Variants in ST18 observed in about 807,000 individuals in gnomAD.
ST18 encodes suppression of tumorigenicity 18 protein.
Under a neutral mutation model 110.0 loss-of-function variants are expected in ST18, and 50 were observed. That is an observed-to-expected ratio of 0.45 (90% CI 0.36 to 0.58). ST18 has a LOEUF of 0.58. ST18 is among the 20% of genes least tolerant of loss of function. ST18 has a pLI of 0.00. For synonymous variants in ST18, 461 were observed against 452.4 expected, an observed-to-expected ratio of 1.02 and a Z score of -0.24; for missense variants, 1,306 against 1,280.1, an observed-to-expected ratio of 1.02 and a Z score of -0.31.
chr8:52,185,864 C>A (rs1366449575), intron 8 of ST18, among the ~76,000 whole-genome samples: 1 of 152,084 alleles, frequency 6.6e-6, no homozygotes, highest in Non-Finnish European at 1.5e-5. Flanking sequence ...ATCTTCACGA[C>A]CTTGGGGTAG....
chr8:52,368,995 G>A (rs559732954), intron 2 of ST18, among the ~76,000 whole-genome samples: 2 of 152,178 alleles, frequency 1.3e-5, no homozygotes, highest in South Asian at 2.1e-4. Context: ...ACAGCAAAAA[G>A]GGCCAGAAAG....
chr8:52,405,926 C>T (rs1844321534), intron 2 of ST18: 1 of 152,172 alleles, frequency 6.6e-6, no homozygotes, highest in Admixed American at 6.5e-5. Flanking sequence ...ATTGTTGAAG[C>T]TCTCTAGACT....
chr8:52,186,056 T>A (rs1443809598), intron 8 of ST18, among the ~76,000 whole-genome samples: 1 of 152,192 alleles, frequency 6.6e-6, no homozygotes, highest in African/African-American at 2.4e-5. Context: ...TGAAGAGCCA[T>A]GAGCCCCGCT....
intron 2 of ST18, among the ~76,000 whole-genome samples, chr8:52,383,786 T>C (rs1835510043): frequency 6.6e-6 from 1 of 151,820 alleles, no homozygotes; most frequent in African/African-American, 2.4e-5. Context: ...TCTCAGTTTG[T>C]TGCCCAGGCT....
At chr8:52,403,431 G>A (rs1364566969) in intron 2 of ST18, 3 of 152,278 alleles carry the variant, frequency 2.0e-5, no homozygotes, top group Admixed American at 2.0e-4. Context: ...GGACCTTGAG[G>A]ACTGTAGAAT....
chr8:52,132,175 G>A lies in ST18; in HGVS notation c.2449C>T (p.Pro817Ser). Residue 817 changes from proline to serine, a missense_variant, in exon 22 of 26, where the codon CCT (proline) becomes TCT (serine). Coordinates refer to ENST00000689386, the MANE Select transcript of ST18 (RefSeq NM_001352837.2). Reference protein sequence around the residue: ...EEKEDPELKCPVIGCDGQGHI... With the variant: ...EEKEDPELKCSVIGCDGQGHI... ...CCTTGGCCATCACACCCTATCACAG[G>A]ACATCTAGAGAGAAAGCAGAGACAT... 6.2e-7 allele frequency: 1 copy of A among 1,609,018 alleles called. No individual in the cohort carries two copies. Among genetic ancestry groups the A allele is most frequent in the South Asian group, 1.1e-5 (1 of 90,810 alleles).
At chr8:52,301,084 T>A (rs1201750224) in intron 2 of ST18, among the ~76,000 whole-genome samples, 5 of 152,236 alleles carry the variant, frequency 3.3e-5, no homozygotes, top group Non-Finnish European at 5.9e-5. Flanking sequence ...AATGTCTGAA[T>A]AGATTTCTAA....
chr8:52,337,226 A>G (rs1310593699), intron 2 of ST18, among the ~76,000 whole-genome samples: 1 of 152,210 alleles, frequency 6.6e-6, no homozygotes, highest in Admixed American at 6.5e-5. Flanking sequence ...GACATTTGCC[A>G]TAAGAAAAAC....
At chr8:52,205,588 G>A (rs1053218102) in intron 8 of ST18, among the ~76,000 whole-genome samples, 16 of 152,048 alleles carry the variant, frequency 1.1e-4, no homozygotes, top group African/African-American at 3.6e-4. Flanking sequence ...TATTTTTGAT[G>A]GAGTCTCACT....
intron 16 of ST18, among the ~76,000 whole-genome samples, chr8:52,147,739 C>T (rs1489289362): frequency 6.6e-6 from 1 of 152,084 alleles, no homozygotes; most frequent in Admixed American, 6.6e-5. Flanking sequence ...ACTGGACCCA[C>T]ATCCACACAT....
chr8:52,332,940 AG>A (rs1464589192), intron 2 of ST18, among the ~76,000 whole-genome samples: 1 of 152,176 alleles, frequency 6.6e-6, no homozygotes, highest in Non-Finnish European at 1.5e-5. Context: ...ACAACCCTGG[AG>A]GACCTAATTA....
intron 9 of ST18, among the ~76,000 whole-genome samples, chr8:52,179,029 T>A (rs997034132): frequency 2.0e-5 from 3 of 152,216 alleles, no homozygotes; most frequent in Non-Finnish European, 2.9e-5. Context: ...TCATTGCCTT[T>A]TGTTTGCATA....
chr8:52,375,291 C>T (rs1354481146), intron 2 of ST18, among the ~76,000 whole-genome samples: 3 of 152,124 alleles, frequency 2.0e-5, no homozygotes, highest in Non-Finnish European at 4.4e-5. Context: ...ATTTGCTCCC[C>T]TTTGCAAGAA....
At chr8:52,273,485 G>A (rs926555865) in intron 2 of ST18, among the ~76,000 whole-genome samples, 2 of 152,168 alleles carry the variant, frequency 1.3e-5, no homozygotes, top group Non-Finnish European at 2.9e-5. Flanking sequence ...GAGCACAATA[G>A]TACGGGTTAA....
At chr8:52,208,636 C>A (rs992332162) in intron 8 of ST18, among the ~76,000 whole-genome samples, 1 of 152,144 alleles carries the variant, frequency 6.6e-6, no homozygotes, top group African/African-American at 2.4e-5. Flanking sequence ...ACCATCCTGG[C>A]TAACACGGTG....
chr8:52,347,387 C>T (rs974142213), intron 2 of ST18, among the ~76,000 whole-genome samples: 4 of 152,070 alleles, frequency 2.6e-5, no homozygotes, highest in South Asian at 4.2e-4. Flanking sequence ...ACAGCAGAGG[C>T]GCTTATACTC....
chr8:52,341,104 G>T (rs538128135), intron 2 of ST18, among the ~76,000 whole-genome samples: 1 of 152,262 alleles, frequency 6.6e-6, no homozygotes, highest in East Asian at 1.9e-4. Flanking sequence ...GCACCCTGTA[G>T]TTCACATGAG....
intron 2 of ST18, among the ~76,000 whole-genome samples, chr8:52,237,164 A>G (rs1314216829): frequency 6.6e-6 from 1 of 152,198 alleles, no homozygotes; most frequent in African/African-American, 2.4e-5. Flanking sequence ...GCCATAATCC[A>G]AAAAGAGATC....
intron 9 of ST18, among the ~76,000 whole-genome samples, chr8:52,175,099 G>A (rs1002946386): frequency 5.9e-5 from 9 of 152,066 alleles, no homozygotes; most frequent in African/African-American, 1.4e-4. Flanking sequence ...TTGCAAGCTC[G>A]GTGGGGCTGC....
Sources: gnomAD v4.1 joint callset for allele counts (sites outside exome capture counted in the v4.1 genomes callset) on GRCh38, gnomAD v4.1.1 for gene constraint, MANE v1.5 for transcripts, NCBI Gene and HGNC (gene_info 2026-07-23, HGNC 2026-07-21) for gene names.